Variants in USP13 observed in about 807,000 individuals in gnomAD.
USP13 encodes ubiquitin carboxyl-terminal hydrolase 13.
Under a neutral mutation model 107.8 loss-of-function variants are expected in USP13, and 68 were observed. The observed-to-expected ratio is 0.63, with a 90% CI of 0.52 to 0.77. The LOEUF is 0.77. USP13 is among the 30% of genes least tolerant of loss of function. The pLI, the probability that USP13 is intolerant of heterozygous loss-of-function variation, is 0.00. For missense variants in USP13, 945 were observed against 1,093.3 expected (o/e 0.86, Z 1.91); for synonymous variants, 377 against 389.5 (o/e 0.97, Z 0.38).
intron 2 of USP13, among the ~76,000 whole-genome samples, chr3:179,684,973 C>T (rs971088769): frequency 6.6e-6 from 1 of 152,144 alleles, no homozygotes; most frequent in Admixed American, 6.5e-5. Context: ...CTTGTGTAAG[C>T]TCTATGAGGG....
At chr3:179,700,907 T>A in intron 3 of USP13, 101 bp from the exon 4 acceptor site, 7 of 1,398,746 alleles carry the variant, frequency 5.0e-6, no homozygotes, top group Admixed American at 4.7e-5. Flanking sequence ...CCCTTGGTAT[T>A]TCATCATCAC....
chr3:179,710,467 C>T (rs1036423007), intron 6 of USP13, among the ~76,000 whole-genome samples: 4 of 152,176 alleles, frequency 2.6e-5, no homozygotes, highest in African/African-American at 9.7e-5. Flanking sequence ...CTCAGAACAG[C>T]CTGTTCAACA....
intron 1 of USP13, among the ~76,000 whole-genome samples, chr3:179,675,222 C>G (rs1363248343): frequency 6.6e-6 from 1 of 151,672 alleles, no homozygotes; most frequent in East Asian, 1.9e-4. Context: ...TTGACATTCC[C>G]TTTTAAAAGT....
chr3:179,761,069 C>G (rs1191018256), intron 16 of USP13, 43 bp from the exon 17 acceptor site: 2 of 1,611,808 alleles, frequency 1.2e-6, no homozygotes, highest in South Asian at 2.2e-5. Context: ...CAAGAAGCGA[C>G]AGTTTCCTCT....
In USP13 at chr3:179,745,032, C is replaced by T. The variant is rs1214669730; in HGVS notation, c.1535-11C>T. 1.9e-6 allele frequency: 3 copies of T among 1,614,028 alleles called. No homozygotes were observed. Among genetic ancestry groups the T allele is most frequent in the Admixed American group, 3.3e-5 (2 of 60,014 alleles). On this transcript the variant is annotated splice_polypyrimidine_tract_variant and intron_variant, in intron 12 of 20. Coordinates refer to ENST00000263966, the MANE Select transcript of USP13 (RefSeq NM_003940.3). ...GCGATTGCAAGGTCTTTGATTTGCT[C>T]TTTCACCCAGATGAACTGATCGCTT...
chr3:179,773,960 A>T (rs935282356), intron 19 of USP13, among the ~76,000 whole-genome samples: 1 of 152,184 alleles, frequency 6.6e-6, no homozygotes, highest in Admixed American at 6.5e-5. Context: ...GTAGTTTTAT[A>T]GTCATTGCTG....
intron 1 of USP13, among the ~76,000 whole-genome samples, chr3:179,657,955 G>T (rs942026433): frequency 3.9e-5 from 6 of 152,058 alleles, no homozygotes; most frequent in Middle Eastern, 3.4e-3. Context: ...TGGTTGTTGA[G>T]CTCCTCATTT....
chr3:179,653,068 C>A lies in USP13; in HGVS notation c.-158C>A. The A allele has an allele frequency of 3.7e-6, 2 of 542,416 alleles. No individual in the cohort carries two copies. The highest frequency in any genetic ancestry group is 7.5e-5 in the South Asian group (1 of 13,358). The allele number at this position is 542,416 out of a possible 1,614,324, so 33.6% of individuals were successfully genotyped here. On this transcript the variant is annotated 5_prime_UTR_variant, in exon 1 of 21. Transcript: ENST00000263966. The surrounding 1 kb of genome is among the most constrained non-coding windows in gnomAD (Gnocchi z 4.0). Reference sequence around the variant, plus strand: ...CCGCCCCAAGCCCGCGGTGCCCGCTCCCGCCCCGCAGCCCGCTCTCCCCGC... The same window carrying A: ...CCGCCCCAAGCCCGCGGTGCCCGCTACCGCCCCGCAGCCCGCTCTCCCCGC...
intron 1 of USP13, among the ~76,000 whole-genome samples, chr3:179,657,400 AT>A (rs1196465307): frequency 6.6e-6 from 1 of 152,002 alleles, no homozygotes; most frequent in African/African-American, 2.4e-5. Flanking sequence ...TCTCAAAAAA[AT>A]AAAATAAAAT....
At chr3:179,694,782 A>C (rs34247955) in intron 3 of USP13, among the ~76,000 whole-genome samples, 52,293 of 141,372 alleles carry the variant, frequency 0.37, 9,757 homozygotes, top group South Asian at 0.39. Flanking sequence ...GCCTGGGCAA[A>C]GAGTGAAACT....
chr3:179,747,579 T>C (rs1313922497), intron 13 of USP13, among the ~76,000 whole-genome samples: 1 of 152,166 alleles, frequency 6.6e-6, no homozygotes, highest in Non-Finnish European at 1.5e-5. Context: ...GGAAGCAGCC[T>C]TTTCAACACC....
chr3:179,688,151 G>A (rs777966058), intron 2 of USP13, among the ~76,000 whole-genome samples: 26 of 31,512 alleles, frequency 8.3e-4, no homozygotes, highest in East Asian at 8.0e-3. Flanking sequence ...CCATCCATCC[G>A]TATATCCATC....
intron 10 of USP13, among the ~76,000 whole-genome samples, chr3:179,731,943 C>A (rs1211917763): frequency 2.0e-5 from 3 of 152,080 alleles, no homozygotes; most frequent in African/African-American, 7.2e-5. Context: ...TGAATAAATA[C>A]CCTCTTGTTC....
At chr3:179,783,439 A>G (rs1201638060) in intron 20 of USP13, among the ~76,000 whole-genome samples, 1 of 152,230 alleles carries the variant, frequency 6.6e-6, no homozygotes, top group Non-Finnish European at 1.5e-5. Context: ...ATTTCATATT[A>G]TATCATGGTT....
chr3:179,715,590 C>G (rs1649900456), intron 6 of USP13, among the ~76,000 whole-genome samples: 1 of 151,934 alleles, frequency 6.6e-6, no homozygotes, highest in Non-Finnish European at 1.5e-5. Context: ...GTCTCGAACT[C>G]CTGACCTTGT....
At chr3:179,728,482 C>T (rs964859694) in intron 8 of USP13, among the ~76,000 whole-genome samples, 20 of 150,418 alleles carry the variant, frequency 1.3e-4, no homozygotes, top group Admixed American at 4.6e-4. Flanking sequence ...GGCAGAGACG[C>T]TCCTCACTTT....
At chr3:179,677,598 A>C (rs1711515828) in intron 1 of USP13, among the ~76,000 whole-genome samples, 1 of 152,132 alleles carries the variant, frequency 6.6e-6, no homozygotes, top group Non-Finnish European at 1.5e-5. Flanking sequence ...AATAAAATAA[A>C]ATAAAATAAA....
Position 179,786,140 on chromosome 3 carries a change from C to G in USP13, c.*1999C>G, listed in dbSNP as rs1367471896. On this transcript the variant is annotated 3_prime_UTR_variant, in exon 21 of 21. Transcript: ENST00000263966. ...TTGGATTTCCTAAAGCAGTCCCACT[C>G]TGTTATGAGAGTCACTGACTCCCGT... 1 of 152,176 alleles carries G rather than the reference C, an allele frequency of 6.6e-6. No individual in the cohort carries two copies. The highest frequency in any genetic ancestry group is 2.4e-5 in the African/African-American group (1 of 41,424). 9.4% of individuals were successfully genotyped at this position (152,176 alleles called of 1,614,324 possible).
rs763601246 is a variant in USP13 at position 179,688,099 on chromosome 3, GTCCA to G, written c.295-2112_295-2109del. On this transcript the variant is annotated intron_variant, in intron 2 of 20. Transcript: ENST00000263966. ...AGGATATCCATCCATCCATCCATCC[GTCCA>G]TCCATCCATCCATCCATCCATCCAT... Among the ~76,000 whole-genome samples the G allele has an allele frequency of 1.6e-3, 218 of 140,638 alleles. 1 individual carries two copies. The highest frequency in any genetic ancestry group is 5.1e-3 in the African/African-American group (193 of 37,778). The allele number at this position is 140,638 out of a possible 152,430, so 92.3% of individuals were successfully genotyped here. A position where few individuals can be genotyped will look rare whatever the true frequency, so the allele number is the denominator to read the frequency against.
Sources: gnomAD v4.1 joint callset for allele counts (sites outside exome capture counted in the v4.1 genomes callset) on GRCh38, gnomAD v4.1.1 for gene constraint, Gnocchi (gnomAD v3.1) non-coding constraint, MANE v1.5 for transcripts, NCBI Gene and HGNC (gene_info 2026-07-23, HGNC 2026-07-21) for gene names.